The following GCFC2 variants were observed in gnomAD, a reference collection of about 807,000 sequenced individuals.
The protein encoded by GCFC2 is GC-rich sequence DNA-binding factor 2, also known as intron Large complex component GCFC2.
Under a neutral mutation model 99.4 loss-of-function variants are expected in GCFC2, and 102 were observed. That is an observed-to-expected ratio of 1.03 (90% CI 0.87 to 1.21). GCFC2 has a LOEUF of 1.21. Among genes scored for constraint, GCFC2 ranks in the 50% most tolerant of loss-of-function variants. GCFC2 has a pLI of 0.00. For missense variants in GCFC2, 973 were observed against 920.9 expected (o/e 1.06, Z -0.73); for synonymous variants, 338 against 316.8 (o/e 1.07, Z -0.71).
At position 75,670,137 on chromosome 2, in the gene GCFC2, C is replaced by A. The variant is rs768327744; in HGVS notation, c.2103+1G>T. 1 of 1,589,310 alleles carries A rather than the reference C, an allele frequency of 6.3e-7. No individual in the cohort carries two copies. The highest frequency in any genetic ancestry group is 1.7e-5 in the Admixed American group (1 of 57,488). ...AGAATCAGTCTTCCTTCACAACTTA[C>A]CTGGTTGCACTTTTTAACCACATCT... On this transcript the variant is annotated splice_donor_variant, in intron 15 of 16. Coordinates refer to ENST00000321027, the MANE Select transcript of GCFC2 (RefSeq NM_003203.5). LOFTEE classifies it high-confidence loss of function.
At position 75,702,266 on chromosome 2, in the gene GCFC2, G is replaced by A. The variant is rs1281880007; in HGVS notation, c.552C>T (p.Asp184=). 6 of 1,612,732 alleles carry A rather than the reference G, an allele frequency of 3.7e-6. No individual in the cohort carries two copies. Among genetic ancestry groups the A allele is most frequent in the Non-Finnish European group, 5.1e-6 (6 of 1,178,888 alleles). The part of the protein sequence containing the change: ...SEDDPESEPD[D]HEKRIPFTLR... ...GAGTAAATGGTATTCTCTTTTCATG[G>A]TCATCAGGCTCACTCTCAGGGTCAT... The change falls in exon 3 of 17, where the codon GAC becomes GAT. Residue 184 remains aspartate (D), a synonymous_variant. Coordinates refer to ENST00000321027, the MANE Select transcript of GCFC2 (RefSeq NM_003203.5).
At chr2:75,703,890 A>G (rs1329120684) in intron 2 of GCFC2, among the ~76,000 whole-genome samples, 3 of 152,204 alleles carry the variant, frequency 2.0e-5, no homozygotes, top group Admixed American at 6.5e-5. Flanking sequence ...GGACACAGAA[A>G]TACTTATTTT....
rs375335813 is a variant in GCFC2, at chr2:75,692,088, G to A, written c.1033C>T (p.Gln345Ter). Residue 345 changes from glutamine to a stop codon, truncating the protein, a stop_gained, in exon 7 of 17, where the codon CAA (glutamine) becomes TAA (stop). Coordinates refer to ENST00000321027, the MANE Select transcript of GCFC2 (RefSeq NM_003203.5). LOFTEE classifies it high-confidence loss of function. Reference sequence around the variant, plus strand: ...GCATGCATGGATGATTCTATTTCTTGGATGTTGATAATCTGAAATACACAT... The same window carrying A: ...GCATGCATGGATGATTCTATTTCTTAGATGTTGATAATCTGAAATACACAT... ...DCLNEKIINI[Q>*]EIESSMHALL... 1 of 1,478,972 alleles carries A rather than the reference G, an allele frequency of 6.8e-7. No individual in the cohort carries two copies. Among genetic ancestry groups the A allele is most frequent in the Admixed American group, 1.9e-5 (1 of 51,718 alleles). The allele number at this position is 1,478,972 out of a possible 1,614,324, so 91.6% of individuals were successfully genotyped here.
chr2:75,680,549 T>C (rs1679527710), intron 11 of GCFC2, among the ~76,000 whole-genome samples: 1 of 152,206 alleles, frequency 6.6e-6, no homozygotes, highest in Non-Finnish European at 1.5e-5. Flanking sequence ...ACCTTGTCAC[T>C]GAGTCTCTGC....
At position 75,670,218 on chromosome 2, in the gene GCFC2, C is replaced by T. The variant is rs765609796; in HGVS notation, c.2023G>A (p.Gly675Arg). The T allele has an allele frequency of 1.4e-5, 22 of 1,605,904 alleles. No individual in the cohort carries two copies. The highest frequency in any genetic ancestry group is 1.6e-5 in the Non-Finnish European group (19 of 1,172,718). ...TDDTLQELGL[G>R]KLLNRYLIIA... ...ATAAGGTAACGATTTAGCAGCTTCC[C>T]TAGTCCTAGTTCTTGCAAGGTGTCA... The change falls in exon 15 of 17, where the codon GGG becomes AGG. Residue 675 changes from glycine (G) to arginine (R), a missense_variant. Coordinates refer to ENST00000321027, the MANE Select transcript of GCFC2 (RefSeq NM_003203.5).
intron 12 of GCFC2, among the ~76,000 whole-genome samples, chr2:75,676,271 C>T (rs1679333763): frequency 6.6e-6 from 1 of 152,148 alleles, no homozygotes; most frequent in South Asian, 2.1e-4. Flanking sequence ...AAACCATTTG[C>T]TGATAGGGGA....
chr2:75,711,884 G>A (rs1018227123), upstream of GCFC2, among the ~76,000 whole-genome samples: 2 of 152,348 alleles, frequency 1.3e-5, no homozygotes, highest in East Asian at 3.9e-4. Context: ...TGTGCTGCCC[G>A]AGCATCCCCG....
In GCFC2 at chr2:75,702,339, T is replaced by G; in HGVS notation, c.479A>C (p.Asp160Ala). 6.2e-7 allele frequency: 1 copy of G among 1,613,096 alleles called. No individual in the cohort carries two copies. The highest frequency in any genetic ancestry group is 8.5e-7 in the Non-Finnish European group (1 of 1,179,060). Residue 160 changes from aspartate to alanine, a missense_variant, in exon 3 of 17, where the codon GAT (aspartate) becomes GCT (alanine). Asp to Ala is a moderately radical substitution (Grantham distance 126, BLOSUM62 -2). Coordinates refer to ENST00000321027, the MANE Select transcript of GCFC2 (RefSeq NM_003203.5). ...AGAGATGGAGGAGGTATGTTGTACA[T>G]CCAAAGAAATATAGTCATCTTGGGC... Reference protein sequence around the residue: ...ARAQDDYISLDVQHTSSISGM... With the variant: ...ARAQDDYISLAVQHTSSISGM...
rs1327997000 is a variant in GCFC2 at position 75,664,299 on chromosome 2, T to TA, written c.*366dup. On this transcript the variant is annotated 3_prime_UTR_variant, in exon 17 of 17. Coordinates refer to ENST00000321027, the MANE Select transcript of GCFC2 (RefSeq NM_003203.5). ...TTAAATAAAGGTAGTTAAAGAGAACTAAAAGATATTATTGTGGTTCAGGAC... is the reference window on the plus strand; with the variant it reads ...TTAAATAAAGGTAGTTAAAGAGAACTAAAAAGATATTATTGTGGTTCAGGAC... The TA allele has an allele frequency of 6.5e-6, 1 of 154,172 alleles. No individual in the cohort carries two copies. Among genetic ancestry groups the TA allele is most frequent in the Non-Finnish European group, 1.4e-5 (1 of 69,420 alleles). The allele number at this position is 154,172 out of a possible 1,614,324, so 9.6% of individuals were successfully genotyped here. A position where few individuals can be genotyped will look rare whatever the true frequency, so the allele number is the denominator to read the frequency against.
chr2:75,690,508 T>C, intron 8 of GCFC2, 130 bp downstream of exon 8: 3 of 631,654 alleles, frequency 4.7e-6, no homozygotes, highest in Non-Finnish European at 8.3e-6. Context: ...AATTTTGCTT[T>C]TCTATTATTC....
chr2:75,710,811 A>G lies in GCFC2; in HGVS notation c.45T>C (p.Asp15=). The G allele has an allele frequency of 6.3e-7, 1 of 1,578,806 alleles. No homozygotes were observed. Among genetic ancestry groups the G allele is most frequent in the African/African-American group, 1.4e-5 (1 of 71,522 alleles). Residue 15 remains aspartate (D), a synonymous_variant, in exon 1 of 17, where the codon GAT becomes GAC. Coordinates refer to ENST00000321027, the MANE Select transcript of GCFC2 (RefSeq NM_003203.5). ...PKRTFRQRAA[D]SSDSDGAEES... ...CCTCGGCGCCATCGCTGTCGCTGGA[A>G]TCAGCCGCGCGCTGCCGAAAAGTCC...
intron 12 of GCFC2, among the ~76,000 whole-genome samples, chr2:75,679,388 G>C (rs943383371): frequency 6.6e-6 from 1 of 151,906 alleles, no homozygotes; most frequent in Non-Finnish European, 1.5e-5. Flanking sequence ...ACCTAAAATT[G>C]GTTTACTCAT....
intron 3 of GCFC2, 31 bp from the exon 4 acceptor site, chr2:75,701,318 T>G: frequency 7.6e-7 from 1 of 1,316,248 alleles, no homozygotes; most frequent in Non-Finnish European, 1.1e-6. Context: ...ATGTAAACGT[T>G]TAGTATTTTT....
intron 12 of GCFC2, among the ~76,000 whole-genome samples, chr2:75,675,759 C>CA (rs1223529153): frequency 1.9e-5 from 2 of 106,530 alleles, no homozygotes; most frequent in Non-Finnish European, 4.0e-5. Context: ...AAAAAAAAAA[C>CA]AAAAAAAAGA....
Position 75,691,200 on chromosome 2 carries a change from T to C in GCFC2, c.1145-481A>G, listed in dbSNP as rs186265861. 4.6e-5 allele frequency among the ~76,000 whole-genome samples: 7 copies of C among 152,338 alleles called. No homozygotes were observed. The East Asian group carries it at 1.3e-3, about 29-fold the overall frequency. On this transcript the variant is annotated intron_variant, in intron 7 of 16. Transcript: ENST00000321027. ...CACACCTATGATAAAGTTTAATTTA[T>C]AAATTAGGCACTGTAAGAGACTAAC...
chr2:75,699,058 A>G (rs187386752), intron 4 of GCFC2, among the ~76,000 whole-genome samples: 1 of 151,704 alleles, frequency 6.6e-6, no homozygotes, highest in Non-Finnish European at 1.5e-5. Flanking sequence ...TGATGAAGTC[A>G]TATTTGTGGA....
At chr2:75,710,534 C>A in intron 1 of GCFC2, 57 bp downstream of exon 1, 1 of 1,434,232 alleles carries the variant, frequency 7.0e-7, no homozygotes, top group South Asian at 1.4e-5. Context: ...AGAGACCCCG[C>A]GGCCCCTTCC....
intron 4 of GCFC2, among the ~76,000 whole-genome samples, chr2:75,698,988 G>A (rs1680456446): frequency 1.3e-5 from 2 of 150,746 alleles, no homozygotes; most frequent in Non-Finnish European, 2.9e-5. Context: ...CTCCAGCCTA[G>A]GCGACAAAGA....
intron 12 of GCFC2, among the ~76,000 whole-genome samples, chr2:75,678,564 CTCTCTCTCCTG>C (rs374643364): frequency 5.9e-5 from 9 of 152,116 alleles, no homozygotes; most frequent in African/African-American, 1.9e-4. Context: ...TGAAGGTAAC[CTCTCTCTCCTG>C]TCTCTCTCCT....
Sources: allele counts gnomAD v4.1 joint callset (sites outside exome capture counted in the v4.1 genomes callset), GRCh38; gene constraint gnomAD v4.1.1; transcripts MANE v1.5; gene names NCBI Gene and HGNC (gene_info 2026-07-23, HGNC 2026-07-21).